The following NCR1 variants were observed in gnomAD, a reference collection of about 807,000 sequenced individuals.
NCR1 encodes natural cytotoxicity triggering receptor 1, also known as NK cell-activating receptor.
A neutral mutation model predicts 32.5 loss-of-function variants in NCR1; 30 were observed. The ratio of observed to expected loss-of-function variants is 0.92; its 90% CI spans 0.69 to 1.25. NCR1 has a LOEUF of 1.25. NCR1 is among the 50% of genes most tolerant of loss of function. NCR1 has a pLI of 0.00. For missense variants in NCR1, 369 were observed against 380.7 expected, an observed-to-expected ratio of 0.97 and a Z score of 0.26; for synonymous variants, 169 against 143.4, an observed-to-expected ratio of 1.18 and a Z score of -1.28.
the NCR1 span, among the ~76,000 whole-genome samples, chr19:54,926,560 A>C: frequency 6.6e-6 from 1 of 152,046 alleles, no homozygotes; most frequent in East Asian, 1.9e-4. Context: ...CAGGTGGATC[A>C]CCTGAGGTTG....
the NCR1 span, among the ~76,000 whole-genome samples, chr19:54,901,123 G>GAAAAAAAA: frequency 0.11 from 11,633 of 101,228 alleles, 1,234 homozygotes; most frequent in African/African-American, 0.17. Flanking sequence ...TCTCTACTTT[G>GAAAAAAAA]AAAAAAAAAA....
At chr19:54,938,068 C>G in the NCR1 span, 24 of 1,613,880 alleles carry the variant, frequency 1.5e-5, no homozygotes, top group Middle Eastern at 3.3e-4. Flanking sequence ...ATGACAGGTG[C>G]TACGGGTTAC....
chr19:54,906,104 A>C (rs1326476891), upstream of NCR1: 1 of 1,554,014 alleles, frequency 6.4e-7, no homozygotes, highest in East Asian at 2.2e-5. Context: ...GCTGGTGCTC[A>C]CCCACCACTT....
chr19:54,934,683 A>G, the NCR1 span: 7 of 1,601,638 alleles, frequency 4.4e-6, no homozygotes, highest in Non-Finnish European at 6.0e-6. The surrounding 1 kb of genome is among the most constrained non-coding windows in gnomAD (Gnocchi z 6.7). Flanking sequence ...GGGAAAAGTC[A>G]TTCTTCTGGG....
downstream of NCR1, among the ~76,000 whole-genome samples, chr19:54,914,976 C>G (rs2146102412): frequency 6.6e-6 from 1 of 152,208 alleles, no homozygotes; most frequent in African/African-American, 2.4e-5. Context: ...CTCCTGAGTT[C>G]AGGTGATCCC....
chr19:54,936,538 T>A, the NCR1 span: 2 of 1,014,200 alleles, frequency 2.0e-6, no homozygotes, highest in Non-Finnish European at 1.5e-6. Flanking sequence ...TTAGAAGTTC[T>A]TGGCCGGGTG....
downstream of NCR1, among the ~76,000 whole-genome samples, chr19:54,916,702 A>ATGTTTTTT (rs2068142335): frequency 2.0e-5 from 1 of 50,480 alleles, no homozygotes; most frequent in African/African-American, 8.6e-5. Context: ...CAACTGTTCT[A>ATGTTTTTT]TTTTTTTTTT....
At chr19:54,934,678 A>G in the NCR1 span, 1 of 1,606,976 alleles carries the variant, frequency 6.2e-7, no homozygotes, top group Non-Finnish European at 8.5e-7. This position sits in a 1 kb window ranked among gnomAD's most constrained non-coding sequence, Gnocchi z 6.7. Flanking sequence ...AGAGTGGGAA[A>G]AGTCATTCTT....
At chr19:54,936,366 G>T in the NCR1 span, 3 of 1,613,984 alleles carry the variant, frequency 1.9e-6, no homozygotes, top group Non-Finnish European at 2.5e-6. Flanking sequence ...GTGCGTGAGG[G>T]TCTTCTTCCC....
At chr19:54,898,226 G>C in the NCR1 span, among the ~76,000 whole-genome samples, 6 of 152,174 alleles carry the variant, frequency 3.9e-5, no homozygotes, top group African/African-American at 9.7e-5. Context: ...GGGAGTGGCT[G>C]CCAGGTGAGT....
downstream of NCR1, among the ~76,000 whole-genome samples, chr19:54,919,720 C>CG (rs1055761291): frequency 3.4e-5 from 5 of 146,330 alleles, no homozygotes; most frequent in East Asian, 2.3e-4. Flanking sequence ...GGAGACCCCC[C>CG]CCCCCACCCG....
At chr19:54,929,329 C>T in the NCR1 span, among the ~76,000 whole-genome samples, 1,474 of 152,226 alleles carry the variant, frequency 9.7e-3, 17 homozygotes, top group Non-Finnish European at 0.016. Flanking sequence ...CGCACCACTG[C>T]ACTCCAGCCT....
downstream of NCR1, among the ~76,000 whole-genome samples, chr19:54,921,086 C>T (rs185363785): frequency 5.1e-4 from 78 of 152,232 alleles, 1 homozygote; most frequent in South Asian, 0.014. Flanking sequence ...CAGCAGAGTC[C>T]GACCCAGATG....
upstream of NCR1, among the ~76,000 whole-genome samples, chr19:54,901,200 G>A (rs1358293211): frequency 6.6e-6 from 1 of 150,600 alleles, no homozygotes; most frequent in Non-Finnish European, 1.5e-5. Flanking sequence ...TGAGGCAGGA[G>A]AATGGCATAA....
the NCR1 span, chr19:54,927,571 A>AAAAAC: frequency 2.9e-5 from 46 of 1,559,698 alleles, no homozygotes; most frequent in Admixed American, 7.3e-4. Flanking sequence ...AACAAAAACA[A>AAAAAC]AAAACAAAAC....
the NCR1 span, among the ~76,000 whole-genome samples, chr19:54,937,199 C>T: frequency 7.0e-6 from 1 of 143,036 alleles, no homozygotes; most frequent in Non-Finnish European, 1.5e-5. Context: ...GCCTGGGGAA[C>T]ATAGCGAGAC....
the NCR1 span, among the ~76,000 whole-genome samples, chr19:54,924,286 G>T: frequency 6.6e-6 from 1 of 152,086 alleles, no homozygotes; most frequent in Non-Finnish European, 1.5e-5. Flanking sequence ...TTTCTAAAAA[G>T]AAATTTAGAC....
chr19:54,903,986 C>T (rs1418699235), upstream of NCR1, among the ~76,000 whole-genome samples: 3 of 151,128 alleles, frequency 2.0e-5, no homozygotes, highest in East Asian at 1.9e-4. Flanking sequence ...ATGAGCTGGG[C>T]GTGGTGTTGG....
chr19:54,900,696 A>G, the NCR1 span, among the ~76,000 whole-genome samples: 1 of 152,060 alleles, frequency 6.6e-6, no homozygotes, highest in Non-Finnish European at 1.5e-5. Flanking sequence ...AAACTTCTTA[A>G]ATATTAAAAT....
Sources: allele counts gnomAD v4.1 joint callset (sites outside exome capture counted in the v4.1 genomes callset), GRCh38; gene constraint gnomAD v4.1.1; non-coding constraint Gnocchi (gnomAD v3.1); transcripts MANE v1.5; gene names NCBI Gene and HGNC (gene_info 2026-07-23, HGNC 2026-07-21).